The following ZPR1 variants were observed in gnomAD, a reference collection of about 807,000 sequenced individuals.
ZPR1 encodes ZPR1 zinc finger.
ZPR1 carries 37 observed loss-of-function variants against 59.6 expected under a neutral mutation model. The ratio of observed to expected loss-of-function variants is 0.62; its 90% CI spans 0.48 to 0.82. ZPR1 has a LOEUF of 0.82. ZPR1 is among the 40% of genes least tolerant of loss of function. ZPR1 has a pLI of 0.00. For missense variants in ZPR1, 527 were observed against 579.9 expected, an observed-to-expected ratio of 0.91 and a Z score of 0.94; for synonymous variants, 191 against 215.2, an observed-to-expected ratio of 0.89 and a Z score of 0.99.
chr11:116,779,100 T>C (rs761376229), intron 13 of ZPR1, 41 bp from the exon 14 acceptor site: 25 of 1,605,172 alleles, frequency 1.6e-5, no homozygotes, highest in Non-Finnish European at 2.0e-5. Context: ...GCTGTGCCAC[T>C]CCCCCTCTCT....
At position 116,779,037 on chromosome 11, in the gene ZPR1, T is replaced by A. The variant is rs1367223756; in HGVS notation, c.1268A>T (p.Asp423Val). The change falls in exon 14 of 14, where the codon GAT (aspartate) becomes GTT (valine). Residue 423 changes from aspartate (D) to valine (V), a missense_variant. Transcript: ENST00000227322. ...YLQNVYAPED[D>V]PEMKVERYKR... Reference sequence around the variant, plus strand: ...GTAACGCTCCACCTTCATCTCAGGATCATCTTCAGGCGCATACACATTCTG... The same window carrying A: ...GTAACGCTCCACCTTCATCTCAGGAACATCTTCAGGCGCATACACATTCTG... 1 of 1,614,178 alleles carries A rather than the reference T, an allele frequency of 6.2e-7. No homozygotes were observed. The highest frequency in any genetic ancestry group is 1.1e-5 in the South Asian group (1 of 91,088).
chr11:116,779,035 G>A lies in ZPR1; in HGVS notation c.1270C>T (p.Pro424Ser), dbSNP rs117881415. The A allele has an allele frequency of 6.2e-7, 1 of 1,614,132 alleles. No individual in the cohort carries two copies. Among genetic ancestry groups the A allele is most frequent in the Non-Finnish European group, 8.5e-7 (1 of 1,180,046 alleles). The change falls in exon 14 of 14, where the codon CCT becomes TCT. Residue 424 changes from proline to serine, a missense_variant. By Grantham distance (74) the Pro-to-Ser change is moderately conservative. Coordinates refer to ENST00000227322, the MANE Select transcript of ZPR1 (RefSeq NM_003904.5). ...LQNVYAPEDD[P>S]EMKVERYKRT... ...TTGTAACGCTCCACCTTCATCTCAGGATCATCTTCAGGCGCATACACATTC... is the reference window on the plus strand; with the variant it reads ...TTGTAACGCTCCACCTTCATCTCAGAATCATCTTCAGGCGCATACACATTC...
Position 116,780,785 on chromosome 11 carries a change from G to A in ZPR1, c.1180-948C>T, listed in dbSNP as rs184337244. 7.0e-4 allele frequency among the ~76,000 whole-genome samples: 107 copies of A among 152,140 alleles called. 3 individuals are homozygous for A. The highest frequency in any genetic ancestry group is 1.3e-3 in the Non-Finnish European group (91 of 68,000). ...CACCCCCTACTCAGGTCTTTAGCCC[G>A]CTACTTGTAAGAAGACAATCAATGA... On this transcript the variant is annotated intron_variant, in intron 12 of 13. Transcript: ENST00000227322.
intron 8 of ZPR1, 90 bp from the exon 9 acceptor site, chr11:116,784,538 T>C (rs760330673): frequency 8.0e-7 from 1 of 1,257,366 alleles, no homozygotes; most frequent in South Asian, 1.2e-5. Flanking sequence ...AAACATATGC[T>C]GGTCCCAGAA....
chr11:116,787,114 A>T, intron 2 of ZPR1, 55 bp from the exon 3 acceptor site: 1 of 1,476,252 alleles, frequency 6.8e-7, no homozygotes, highest in Non-Finnish European at 9.5e-7. Context: ...GCTTCTCCTC[A>T]AGTAATAACC....
Position 116,782,183 on chromosome 11 carries a change from T to C in ZPR1, c.1154A>G (p.Gln385Arg), listed in dbSNP as rs534277616. The C allele has an allele frequency of 6.2e-7, 1 of 1,614,214 alleles. No individual in the cohort carries two copies. The highest frequency in any genetic ancestry group is 1.3e-5 in the African/African-American group (1 of 75,052). ...CTGGTCCATCTTCTGGCTAAACTCC[T>C]GTAGTCTCTCCGTCTGTCCAGGATT... ...SSNPGQTERL[Q>R]EFSQKMDQII... The change falls in exon 12 of 14, where the codon CAG becomes CGG. Residue 385 changes from glutamine (Q) to arginine (R), a missense_variant. Transcript: ENST00000227322.
intron 2 of ZPR1, 34 bp from the exon 3 acceptor site, chr11:116,787,093 A>G (rs1283403210): frequency 6.4e-7 from 1 of 1,559,932 alleles, no homozygotes; most frequent in Middle Eastern, 1.7e-4. Flanking sequence ...GTACAAAGAG[A>G]CTGCAGAACA....
At chr11:116,781,660 G>A (rs1052679792) in intron 12 of ZPR1, among the ~76,000 whole-genome samples, 2 of 152,156 alleles carry the variant, frequency 1.3e-5, no homozygotes, top group Non-Finnish European at 2.9e-5. Context: ...GGAAGCTACT[G>A]GAGAAGATGC....
intron 12 of ZPR1, 91 bp downstream of exon 12, chr11:116,782,067 G>T: frequency 1.1e-6 from 1 of 871,544 alleles, no homozygotes; most frequent in Non-Finnish European, 1.8e-6. Context: ...ATGATGGTTA[G>T]ATGTTCAAAA....
At chr11:116,784,539 G>C in intron 8 of ZPR1, 91 bp from the exon 9 acceptor site, 1 of 1,258,716 alleles carries the variant, frequency 7.9e-7, no homozygotes, top group South Asian at 1.2e-5. Flanking sequence ...AACATATGCT[G>C]GTCCCAGAAC....
chr11:116,777,644 C>G lies in ZPR1; in HGVS notation c.*1281G>C, dbSNP rs891158080. Reference sequence around the variant, plus strand: ...CACTGCACTCCAGCCTGGGCAACAGCGCGAGACTCTGTCTCTACCAAAAAA... The same window carrying G: ...CACTGCACTCCAGCCTGGGCAACAGGGCGAGACTCTGTCTCTACCAAAAAA... On this transcript the variant is annotated 3_prime_UTR_variant, in exon 14 of 14. Transcript: ENST00000227322. The G allele has an allele frequency of 7.0e-6, 1 of 142,010 alleles. No individual in the cohort carries two copies. Among genetic ancestry groups the G allele is most frequent in the East Asian group, 2.0e-4 (1 of 4,884 alleles). 8.8% of individuals were successfully genotyped at this position (142,010 alleles called of 1,614,324 possible).
chr11:116,778,931 T>C lies in ZPR1; in HGVS notation c.1374A>G (p.Gln458=), dbSNP rs765748474. Residue 458 remains glutamine (Q), a synonymous_variant, in exon 14 of 14, where the codon CAA becomes CAG. Coordinates refer to ENST00000227322, the MANE Select transcript of ZPR1 (RefSeq NM_003904.5). ...TEGYEAGLAP[Q]R is the part of the protein sequence containing the mutation. Reference sequence around the variant, plus strand: ...GCCCTTGAGCCACCCACTGCTACCGTTGCGGAGCCAGGCCTGCCTCATAGC... The same window carrying C: ...GCCCTTGAGCCACCCACTGCTACCGCTGCGGAGCCAGGCCTGCCTCATAGC... 8.7e-6 allele frequency: 14 copies of C among 1,613,726 alleles called. No individual in the cohort carries two copies. The highest frequency in any genetic ancestry group is 5.0e-5 in the Admixed American group (3 of 60,006).
intron 6 of ZPR1, 39 bp from the exon 7 acceptor site, chr11:116,785,185 T>C: frequency 6.2e-7 from 1 of 1,611,148 alleles, no homozygotes; most frequent in South Asian, 1.1e-5. Context: ...TTGGCAGGTA[T>C]ACCTCAGTGT....
chr11:116,779,600 A>T (rs546920760), intron 13 of ZPR1, among the ~76,000 whole-genome samples, 172 bp downstream of exon 13: 1 of 152,124 alleles, frequency 6.6e-6, no homozygotes, highest in Admixed American at 6.5e-5. Flanking sequence ...TTAAAAAAAA[A>T]ATCCCCTCCC....
At chr11:116,784,134 G>A (rs1156440245) in intron 9 of ZPR1, among the ~76,000 whole-genome samples, 3 of 152,140 alleles carry the variant, frequency 2.0e-5, no homozygotes, top group Non-Finnish European at 4.4e-5. Flanking sequence ...TGGGTCAAAA[G>A]ACTTCTCTCT....
At chr11:116,782,454 C>T (rs753179875) in intron 11 of ZPR1, among the ~76,000 whole-genome samples, 18 of 152,170 alleles carry the variant, frequency 1.2e-4, no homozygotes, top group Non-Finnish European at 1.5e-4. Context: ...AAAACAAAAT[C>T]GAAACATGTT....
chr11:116,787,722 G>A, intron 1 of ZPR1, 79 bp from the exon 2 acceptor site: 1 of 1,538,464 alleles, frequency 6.5e-7, no homozygotes, highest in South Asian at 1.2e-5. Flanking sequence ...GGCGCTCCTC[G>A]GGGTCCCCGG....
At position 116,785,866 on chromosome 11, in the gene ZPR1, G is replaced by A. The variant is rs199643336; in HGVS notation, c.512C>T (p.Thr171Ile). Residue 171 changes from threonine to isoleucine, a missense_variant, in exon 5 of 14, where the codon ACA becomes ATA. Thr to Ile is a moderately conservative substitution (Grantham distance 89, BLOSUM62 -1). Transcript: ENST00000227322. ...AATGAACTCATCAATTCTTTCAGCTGTAGCATCTTTGTTTGCCTGCCATGA... is the reference window on the plus strand; with the variant it reads ...AATGAACTCATCAATTCTTTCAGCTATAGCATCTTTGTTTGCCTGCCATGA... ...QPARRANKDA[T>I]AERIDEFIVK... The A allele has an allele frequency of 1.9e-6, 3 of 1,614,168 alleles. No homozygotes were observed. The highest frequency in any genetic ancestry group is 1.6e-4 in the Middle Eastern group (1 of 6,062).
chr11:116,784,855 G>GT lies in ZPR1; in HGVS notation c.819dup (p.Gln274ThrfsTer6). 6.2e-7 allele frequency: 1 copy of GT among 1,614,180 alleles called. No individual in the cohort carries two copies. Among genetic ancestry groups the GT allele is most frequent in the Non-Finnish European group, 8.5e-7 (1 of 1,180,036 alleles). On this transcript the variant is annotated frameshift_variant and splice_region_variant, in exon 8 of 14. Coordinates refer to ENST00000227322, the MANE Select transcript of ZPR1 (RefSeq NM_003904.5). LOFTEE classifies it high-confidence loss of function. Reference sequence around the variant, plus strand: ...AACCCAACTGCTTGGCAAAAGATACGTACTAGCTTCATGTTGGTCTGAGCG... The same window carrying GT: ...AACCCAACTGCTTGGCAAAAGATACGTTACTAGCTTCATGTTGGTCTGAGCG...
Sources: gnomAD v4.1 joint callset for allele counts (sites outside exome capture counted in the v4.1 genomes callset) on GRCh38, gnomAD v4.1.1 for gene constraint, MANE v1.5 for transcripts, NCBI Gene and HGNC (gene_info 2026-07-23, HGNC 2026-07-21) for gene names.